NRXN1: variants seen among roughly 807,000 people sequenced by gnomAD.
The protein encoded by NRXN1 is neurexin 1.
A neutral mutation model predicts 150.9 loss-of-function variants in NRXN1; 39 were observed. That is an observed-to-expected ratio of 0.26 (90% CI 0.20 to 0.34). The LOEUF (loss-of-function observed/expected upper bound fraction) is 0.34. Among genes scored for constraint, NRXN1 ranks in the 10% least tolerant of loss-of-function variants. NRXN1 has a pLI of 1.00. For missense variants in NRXN1, 1,815 were observed against 1,949.9 expected, an observed-to-expected ratio of 0.93 and a Z score of 1.30; for synonymous variants, 924 against 757.0, an observed-to-expected ratio of 1.22 and a Z score of -3.62.
At chr2:50,796,880 T>G (rs890023561) in intron 5 of NRXN1, among the ~76,000 whole-genome samples, 2 of 152,160 alleles carry the variant, frequency 1.3e-5, no homozygotes, top group African/African-American at 4.8e-5. Flanking sequence ...TTTTGGAAAC[T>G]AGGAAATCCA....
intron 17 of NRXN1, among the ~76,000 whole-genome samples, chr2:50,265,560 G>T (rs1023851852): frequency 6.6e-6 from 1 of 152,152 alleles, no homozygotes; most frequent in African/African-American, 2.4e-5. Flanking sequence ...TGGACAGAAT[G>T]CCCAAGACTG....
At chr2:50,809,042 C>T (rs1434106401) in intron 5 of NRXN1, among the ~76,000 whole-genome samples, 3 of 151,964 alleles carry the variant, frequency 2.0e-5, no homozygotes, top group South Asian at 2.1e-4. Flanking sequence ...AAGTACTTTC[C>T]GTAGAAAATA....
At chr2:50,125,139 A>T (rs1014858764) in intron 18 of NRXN1, among the ~76,000 whole-genome samples, 11 of 152,140 alleles carry the variant, frequency 7.2e-5, no homozygotes, top group Admixed American at 3.3e-4. Context: ...AATCCTTTAT[A>T]TTCTGAACAC....
At chr2:50,936,804 T>G (rs1674320771) in intron 2 of NRXN1, among the ~76,000 whole-genome samples, 1 of 152,010 alleles carries the variant, frequency 6.6e-6, no homozygotes, top group African/African-American at 2.4e-5. Flanking sequence ...AATAATAGAC[T>G]ATGAGAATTA....
rs958273239 is a variant in NRXN1 at position 50,465,831 on chromosome 2, G to A, written c.3245-270C>T. Among the ~76,000 whole-genome samples, 6 of 151,834 alleles carry A rather than the reference G, an allele frequency of 4.0e-5. No homozygotes were observed. The East Asian group carries it at 9.7e-4, about 25-fold the overall frequency. On this transcript the variant is annotated intron_variant, in intron 16 of 22. Transcript: ENST00000401669. Reference sequence around the variant, plus strand: ...GCACATAGCTTCTAGTATGATTATTGTAGCAGGTAATCTCATTCCAACTTC... The same window carrying A: ...GCACATAGCTTCTAGTATGATTATTATAGCAGGTAATCTCATTCCAACTTC...
intron 13 of NRXN1, 93 bp from the exon 14 acceptor site, chr2:50,497,807 G>T (rs1030628781): frequency 2.5e-5 from 30 of 1,213,568 alleles, no homozygotes; most frequent in Non-Finnish European, 3.0e-5. Flanking sequence ...TAAAATACAA[G>T]GAGCCAAATC....
rs573838718 is a variant in NRXN1 at position 50,378,324 on chromosome 2, T to A, written c.3364+87118A>T. On this transcript the variant is annotated intron_variant, in intron 17 of 22. Transcript: ENST00000401669. ...TAGTCTTCAACTTAAGATGGGGTTA[T>A]CTCCTGATAAACTCATCGTAAGTTG... Among the ~76,000 whole-genome samples the A allele has an allele frequency of 7.9e-5, 12 of 152,286 alleles. No individual in the cohort carries two copies. In the East Asian group the frequency reaches 2.3e-3, roughly 29 times the overall value.
At chr2:50,472,161 A>T in intron 16 of NRXN1, 137 bp downstream of exon 16, 1 of 618,980 alleles carries the variant, frequency 1.6e-6, no homozygotes, top group East Asian at 3.2e-5. Flanking sequence ...ATAAAAAATT[A>T]AAAACTTGAA....
At chr2:50,164,018 G>A (rs578150121) in intron 18 of NRXN1, among the ~76,000 whole-genome samples, 194 of 152,180 alleles carry the variant, frequency 1.3e-3, no homozygotes, top group African/African-American at 4.6e-3. Context: ...AGGCCATACT[G>A]ATTTACATTG....
intron 5 of NRXN1, among the ~76,000 whole-genome samples, chr2:50,717,152 C>T (rs543167709): frequency 1.3e-5 from 2 of 152,226 alleles, no homozygotes; most frequent in South Asian, 4.2e-4. Flanking sequence ...ACAGTAAGTA[C>T]TTAATTCAAA....
At chr2:50,047,835 T>C (rs1288410686) in intron 21 of NRXN1, among the ~76,000 whole-genome samples, 1 of 152,136 alleles carries the variant, frequency 6.6e-6, no homozygotes, top group Non-Finnish European at 1.5e-5. Flanking sequence ...CAATGCTGTA[T>C]TTCTACAGAC....
At chr2:50,648,060 A>G (rs1344979250) in intron 5 of NRXN1, among the ~76,000 whole-genome samples, 2 of 152,010 alleles carry the variant, frequency 1.3e-5, no homozygotes, top group Non-Finnish European at 2.9e-5. Context: ...AGAAAAAGTT[A>G]ATAATATTAA....
intron 8 of NRXN1, among the ~76,000 whole-genome samples, chr2:50,614,985 T>A (rs897570904): frequency 1.3e-5 from 2 of 152,120 alleles, no homozygotes; most frequent in Non-Finnish European, 2.9e-5. Flanking sequence ...AAGGAATCAA[T>A]CATTTTTTCC....
chr2:50,582,481 A>C (rs1464579504), intron 8 of NRXN1, among the ~76,000 whole-genome samples: 1 of 143,194 alleles, frequency 7.0e-6, no homozygotes, highest in African/African-American at 2.7e-5. Flanking sequence ...TCGTCTCCAA[A>C]AAAAAAAAAA....
intron 15 of NRXN1, among the ~76,000 whole-genome samples, chr2:50,477,741 A>G (rs1290373321): frequency 6.6e-6 from 1 of 152,212 alleles, no homozygotes; most frequent in Non-Finnish European, 1.5e-5. Flanking sequence ...AACTCCAGGA[A>G]ATATGAAGGA....
chr2:50,748,756 A>C (rs931937969), intron 5 of NRXN1, among the ~76,000 whole-genome samples: 14 of 152,078 alleles, frequency 9.2e-5, no homozygotes, highest in African/African-American at 3.4e-4. Flanking sequence ...GACAACTATA[A>C]ATTCCTGTAG....
intron 21 of NRXN1, among the ~76,000 whole-genome samples, chr2:49,979,103 C>T (rs764957722): frequency 3.3e-4 from 50 of 152,238 alleles, no homozygotes; most frequent in Admixed American, 5.9e-4. Flanking sequence ...TCGAGACCAG[C>T]CTGGCCAACA....
At chr2:50,387,734 T>C (rs915037050) in intron 17 of NRXN1, among the ~76,000 whole-genome samples, 1 of 152,124 alleles carries the variant, frequency 6.6e-6, no homozygotes, top group Non-Finnish European at 1.5e-5. Flanking sequence ...TTGCTCTTAA[T>C]GGCATTTTCA....
intron 2 of NRXN1, among the ~76,000 whole-genome samples, chr2:50,953,374 T>C (rs1691720078): frequency 2.0e-5 from 3 of 152,156 alleles, no homozygotes; most frequent in Admixed American, 2.0e-4. Flanking sequence ...GTATAGTTCA[T>C]TTTCAGTTCA....
Sources: allele counts gnomAD v4.1 joint callset (sites outside exome capture counted in the v4.1 genomes callset), GRCh38; gene constraint gnomAD v4.1.1; transcripts MANE v1.5; gene names NCBI Gene and HGNC (gene_info 2026-07-23, HGNC 2026-07-21).